Variants in LEF1 observed in about 807,000 individuals in gnomAD.
LEF1 encodes lymphoid enhancer-binding factor 1.
A neutral mutation model predicts 51.2 loss-of-function variants in LEF1; 14 were observed. The observed-to-expected ratio is 0.27, with a 90% CI of 0.18 to 0.43. The LOEUF (loss-of-function observed/expected upper bound fraction) is 0.43, where lower values mean the gene tolerates loss of function less well. LEF1 is among the 20% of genes least tolerant of loss of function. LEF1 has a pLI of 1.00. For missense variants in LEF1, 386 were observed against 512.0 expected, an observed-to-expected ratio of 0.75 and a Z score of 2.37; for synonymous variants, 185 against 183.2, an observed-to-expected ratio of 1.01 and a Z score of -0.08.
intron 8 of LEF1, among the ~76,000 whole-genome samples, chr4:108,074,934 T>C (rs1043195040): frequency 7.0e-6 from 1 of 143,846 alleles, no homozygotes; most frequent in African/African-American, 2.5e-5. Flanking sequence ...GGCCCTTAAC[T>C]CAAAAAAGAA....
chr4:108,151,954 G>T (rs1744381877), intron 3 of LEF1, among the ~76,000 whole-genome samples: 1 of 152,144 alleles, frequency 6.6e-6, no homozygotes, highest in Non-Finnish European at 1.5e-5. Context: ...AACCTGCTCT[G>T]TGGCAAGTAA....
In LEF1 at chr4:108,048,408, T is replaced by C. The variant is rs1736759224; in HGVS notation, c.*350A>G. Reference sequence around the variant, plus strand: ...AAAGGTTACAGGTTTGGATGCAAGATGCTCTGGGAAGTGCACGCAGATATG... The same window carrying C: ...AAAGGTTACAGGTTTGGATGCAAGACGCTCTGGGAAGTGCACGCAGATATG... On this transcript the variant is annotated 3_prime_UTR_variant, in exon 12 of 12. Coordinates refer to ENST00000265165, the MANE Select transcript of LEF1 (RefSeq NM_016269.5). The C allele has an allele frequency of 3.6e-6, 1 of 280,786 alleles. No individual in the cohort carries two copies. The highest frequency in any genetic ancestry group is 2.2e-5 in the African/African-American group (1 of 45,948). The allele number at this position is 280,786 out of a possible 1,614,324, so 17.4% of individuals were successfully genotyped here.
chr4:108,050,200 TCTC>T (rs1411953618), intron 11 of LEF1, among the ~76,000 whole-genome samples: 1 of 152,238 alleles, frequency 6.6e-6, no homozygotes, highest in Non-Finnish European at 1.5e-5. Flanking sequence ...CATTTTCTAT[TCTC>T]CTGGAAAATC....
intron 3 of LEF1, among the ~76,000 whole-genome samples, chr4:108,129,426 T>C (rs1742731116): frequency 6.6e-6 from 1 of 152,184 alleles, no homozygotes; most frequent in South Asian, 2.1e-4. Flanking sequence ...TGAATCATGG[T>C]TTCTCTAAGC....
In LEF1 at chr4:108,081,617, A is replaced by G. The variant is rs755199598; in HGVS notation, c.691T>C (p.Ser231Pro). The change falls in exon 6 of 12, where the codon TCC (serine) becomes CCC (proline). Residue 231 changes from serine to proline, a missense_variant. Physicochemically the swap from Ser to Pro is moderately conservative, Grantham distance 74 (BLOSUM62 -1). Transcript: ENST00000265165. ...ATGGAAGTGTCGACTGACAGTGAGG[A>G]TGGGTAGGGTTGCCTGAATCCACCC... ...ITGGFRQPYP[S>P]SLSVDTSMSR... 6.2e-7 allele frequency: 1 copy of G among 1,614,126 alleles called. No individual in the cohort carries two copies. The highest frequency in any genetic ancestry group is 8.5e-7 in the Non-Finnish European group (1 of 1,180,002).
chr4:108,070,953 C>T (rs973145589), intron 8 of LEF1, 183 bp from the exon 9 acceptor site: 5 of 540,390 alleles, frequency 9.3e-6, no homozygotes, highest in Middle Eastern at 5.0e-4. Context: ...TACAGTGAAA[C>T]TCAAACTTTG....
intron 3 of LEF1, among the ~76,000 whole-genome samples, chr4:108,118,222 C>G (rs554025636): frequency 4.8e-4 from 73 of 152,290 alleles, no homozygotes; most frequent in African/African-American, 1.7e-3. Context: ...GCATTGTTTT[C>G]TAAAAGATGA....
intron 3 of LEF1, among the ~76,000 whole-genome samples, chr4:108,112,636 G>A (rs1353549351): frequency 6.6e-6 from 1 of 152,178 alleles, no homozygotes; most frequent in African/African-American, 2.4e-5. Context: ...AGGATTAAGT[G>A]AGCTGCTATT....
intron 3 of LEF1, among the ~76,000 whole-genome samples, chr4:108,129,629 T>C (rs1742743964): frequency 6.6e-6 from 1 of 152,284 alleles, no homozygotes; most frequent in Middle Eastern, 3.4e-3. Flanking sequence ...ACAAAAACCT[T>C]GCCAGCATGT....
At chr4:108,090,844 TTTAAAG>T (rs1243410321) in intron 3 of LEF1, among the ~76,000 whole-genome samples, 1 of 152,192 alleles carries the variant, frequency 6.6e-6, no homozygotes, top group East Asian at 1.9e-4. Context: ...GGGGAATCAT[TTTAAAG>T]AGACTCAATA....
rs374768687 is a variant in LEF1, at chr4:108,168,350, A to T, written c.-583T>A. On this transcript the variant is annotated 5_prime_UTR_variant, in exon 1 of 12. Coordinates refer to ENST00000265165, the MANE Select transcript of LEF1 (RefSeq NM_016269.5). The surrounding 1 kb of genome is among the most constrained non-coding windows in gnomAD (Gnocchi z 4.6). Reference sequence around the variant, plus strand: ...AGGATCAGAAGATAACGAAACGTCCACTTCCTGAAGGGTGGGAAAAAAAGA... The same window carrying T: ...AGGATCAGAAGATAACGAAACGTCCTCTTCCTGAAGGGTGGGAAAAAAAGA... 6.6e-6 allele frequency: 1 copy of T among 152,264 alleles called. No individual in the cohort carries two copies. 9.4% of individuals were successfully genotyped at this position (152,264 alleles called of 1,614,324 possible). A position where few individuals can be genotyped will look rare whatever the true frequency, so the allele number is the denominator to read the frequency against.
chr4:108,144,028 T>C (rs879420515), intron 3 of LEF1, among the ~76,000 whole-genome samples: 2 of 151,890 alleles, frequency 1.3e-5, no homozygotes, highest in Admixed American at 6.6e-5. Context: ...TGCTCCTTAC[T>C]GAAAAGAAAA....
At chr4:108,058,542 A>G (rs1341354045) in intron 11 of LEF1, among the ~76,000 whole-genome samples, 2 of 152,102 alleles carry the variant, frequency 1.3e-5, no homozygotes, top group African/African-American at 2.4e-5. Context: ...ACTCACATCA[A>G]TTCTATTACT....
At chr4:108,089,067 T>C in intron 4 of LEF1, 58 bp downstream of exon 4, 3 of 1,577,774 alleles carry the variant, frequency 1.9e-6, no homozygotes, top group Non-Finnish European at 2.6e-6. Context: ...CTCAGGCTGA[T>C]GAGATTTGGC....
intron 3 of LEF1, among the ~76,000 whole-genome samples, chr4:108,158,384 G>C (rs892811944): frequency 2.0e-5 from 3 of 151,782 alleles, no homozygotes; most frequent in African/African-American, 7.3e-5. Context: ...CAGCTTCAAA[G>C]AGGACAAGTT....
chr4:108,127,264 G>A (rs548517830), intron 3 of LEF1, among the ~76,000 whole-genome samples: 1 of 152,208 alleles, frequency 6.6e-6, no homozygotes, highest in South Asian at 2.1e-4. Context: ...TTCTTTTTTG[G>A]GAAGGCTCCT....
intron 3 of LEF1, among the ~76,000 whole-genome samples, chr4:108,110,525 A>C (rs1223349852): frequency 6.6e-6 from 1 of 152,186 alleles, no homozygotes; most frequent in African/African-American, 2.4e-5. Context: ...CACTAAAGAG[A>C]CAGACATATC....
intron 7 of LEF1, among the ~76,000 whole-genome samples, chr4:108,078,717 G>T (rs1739081381): frequency 6.6e-6 from 1 of 152,152 alleles, no homozygotes; most frequent in Non-Finnish European, 1.5e-5. Flanking sequence ...CTCTGAGGCT[G>T]AGGACTTCTC....
chr4:108,163,691 T>C lies in LEF1; in HGVS notation c.291A>G (p.Pro97=), dbSNP rs1578414030. The change falls in exon 3 of 12, where the codon CCA becomes CCG. Residue 97 remains proline, a synonymous_variant. Transcript: ENST00000265165. ...AREHPDDGKH[P]DGGLYNKGPS... ...GTCCCTTGTTGTAGAGGCCTCCATCTGGATGCTTTCCTGGGAAGATCCAAA... is the reference window on the plus strand; with the variant it reads ...GTCCCTTGTTGTAGAGGCCTCCATCCGGATGCTTTCCTGGGAAGATCCAAA... The C allele has an allele frequency of 2.5e-6, 4 of 1,613,554 alleles. No individual in the cohort carries two copies. The highest frequency in any genetic ancestry group is 8.5e-7 in the Non-Finnish European group (1 of 1,179,690).
Sources: gnomAD v4.1 joint callset for allele counts (sites outside exome capture counted in the v4.1 genomes callset) on GRCh38, gnomAD v4.1.1 for gene constraint, Gnocchi (gnomAD v3.1) non-coding constraint, MANE v1.5 for transcripts, NCBI Gene and HGNC (gene_info 2026-07-23, HGNC 2026-07-21) for gene names.